Variants in CENPE observed in about 807,000 individuals in gnomAD.
The protein encoded by CENPE is centromere-associated protein E.
Under a neutral mutation model 336.1 loss-of-function variants are expected in CENPE, and 145 were observed. The ratio of observed to expected loss-of-function variants is 0.43; its 90% confidence interval spans 0.38 to 0.50. The LOEUF is 0.50. Among genes scored for constraint, CENPE ranks in the 20% least tolerant of loss-of-function variants. The probability of loss-of-function intolerance (pLI) is 0.00; values close to 1 mark genes in which losing one functional copy is unlikely to be tolerated. For synonymous variants in CENPE, 1,013 were observed against 984.8 expected, an observed-to-expected ratio of 1.03 and a Z score of -0.54; for missense variants, 2,719 against 3,023.3, an observed-to-expected ratio of 0.90 and a Z score of 2.36.
intron 43 of CENPE, among the ~76,000 whole-genome samples, chr4:103,121,891 T>A (rs1352473061): frequency 6.6e-6 from 1 of 152,146 alleles, no homozygotes; most frequent in Non-Finnish European, 1.5e-5. Flanking sequence ...AATTGAATGT[T>A]ACTGTTATCA....
At position 103,147,585 on chromosome 4, in the gene CENPE, T is replaced by C. The variant is rs766515893; in HGVS notation, c.3905A>G (p.Gln1302Arg). The C allele has an allele frequency of 6.2e-7, 1 of 1,613,820 alleles. No homozygotes were observed. Residue 1302 changes from glutamine to arginine, a missense_variant, in exon 29 of 49, where the codon CAG (glutamine) becomes CGG (arginine). Gln to Arg is a conservative substitution (Grantham distance 43). This residue lies in a region of CENPE where 2,437 missense variants were observed against 2,513.3 expected (regional missense o/e 0.97). Transcript: ENST00000265148. ...TAACTCCAGTTCATTCATTGTTTCC[T>C]GAGTCTCACTGACTTCTTTCACATT... ...LPNVKEVSET[Q>R]ETMNELELLT... is the part of the protein sequence containing the mutation.
At position 103,176,761 on chromosome 4, in the gene CENPE, CAT is replaced by C. The variant is rs1184834354; in HGVS notation, c.1390+136_1390+137del. On this transcript the variant is annotated intron_variant, in intron 14 of 48. Coordinates refer to ENST00000265148, the MANE Select transcript of CENPE (RefSeq NM_001813.3). Reference sequence around the variant, plus strand: ...ATTTTTAGAATTACTTATTTTAAATCATAGTCTCCATTGTAATCACATATGAA... The same window carrying C: ...ATTTTTAGAATTACTTATTTTAAATCAGTCTCCATTGTAATCACATATGAA... The C allele has an allele frequency of 1.1e-5, 7 of 616,162 alleles. No homozygotes were observed. The African/African-American group carries it at 1.2e-4, about 10-fold the overall frequency. 38.2% of individuals were successfully genotyped at this position (616,162 alleles called of 1,614,324 possible).
chr4:103,136,004 A>G (rs1752037198), intron 40 of CENPE, 137 bp downstream of exon 40: 1 of 706,074 alleles, frequency 1.4e-6, no homozygotes, highest in East Asian at 2.7e-5. Flanking sequence ...ACATATTACT[A>G]TGCTCAGACC....
chr4:103,177,855 A>T (rs1756008191), intron 13 of CENPE, among the ~76,000 whole-genome samples: 1 of 151,886 alleles, frequency 6.6e-6, no homozygotes, highest in African/African-American at 2.4e-5. Context: ...CGACTCCAAT[A>T]ACCTTCAGTT....
intron 8 of CENPE, among the ~76,000 whole-genome samples, chr4:103,190,163 A>G (rs948577789): frequency 1.3e-5 from 2 of 152,188 alleles, no homozygotes; most frequent in African/African-American, 4.8e-5. Context: ...AAATGGAAGA[A>G]CATTCCATGC....
Position 103,160,766 on chromosome 4 carries a change from A to C in CENPE, c.2145T>G (p.Asn715Lys). Residue 715 changes from asparagine to lysine, a missense_variant, in exon 21 of 49, where the codon AAT (asparagine) becomes AAG (lysine). Asn to Lys is a moderately conservative substitution (Grantham distance 94). Coordinates refer to ENST00000265148, the MANE Select transcript of CENPE (RefSeq NM_001813.3). ...DGKVPKDLLC[N>K]LELEGKITDL... ...CAGTAATCTTTCCTTCCAATTCCAA[A>C]TTACAGAGCAAATCTAGAAAGTTTT... The C allele has an allele frequency of 1.9e-6, 3 of 1,593,684 alleles. No individual in the cohort carries two copies. Among genetic ancestry groups the C allele is most frequent in the Non-Finnish European group, 2.6e-6 (3 of 1,171,262 alleles).
At position 103,153,156 on chromosome 4, in the gene CENPE, C is replaced by T. The variant is rs761793052; in HGVS notation, c.3128G>A (p.Arg1043Lys). Residue 1043 changes from arginine (R) to lysine (K), a missense_variant, in exon 25 of 49, where the codon AGG becomes AAG. Coordinates refer to ENST00000265148, the MANE Select transcript of CENPE (RefSeq NM_001813.3). ...VKDNEIIEQQRKIFSLIQEKN... is the reference protein window; with the variant it reads ...VKDNEIIEQQKKIFSLIQEKN... ...CTCCTGTATTAAAGAAAATATCTTC[C>T]TTTGTTGCTCAATTATCTCATTATC... 1 of 1,612,534 alleles carries T rather than the reference C, an allele frequency of 6.2e-7. No homozygotes were observed. Among genetic ancestry groups the T allele is most frequent in the South Asian group, 1.1e-5 (1 of 91,010 alleles).
chr4:103,141,783 A>G lies in CENPE; in HGVS notation c.5430T>C (p.Asp1810=). 6.5e-7 allele frequency: 1 copy of G among 1,549,710 alleles called. No homozygotes were observed. Among genetic ancestry groups the G allele is most frequent in the African/African-American group, 1.4e-5 (1 of 72,886 alleles). Residue 1810 remains aspartate, a synonymous_variant, in exon 35 of 49, where the codon GAT becomes GAC. Transcript: ENST00000265148. ...KTDKLSNMQK[D]LENSNAKLQE... is the part of the protein sequence containing the mutation. ...GTAATTTAGCATTTGAATTTTCTAAATCTTTTTGCATATTTGATAGTTTAT... is the reference window on the plus strand; with the variant it reads ...GTAATTTAGCATTTGAATTTTCTAAGTCTTTTTGCATATTTGATAGTTTAT...
At chr4:103,194,550 T>C (rs1048624255) in intron 6 of CENPE, 53 bp downstream of exon 6, 57 of 1,508,990 alleles carry the variant, frequency 3.8e-5, no homozygotes, top group Non-Finnish European at 5.0e-5. Flanking sequence ...ACGTGCTTGA[T>C]TGAAAAGATA....
intron 48 of CENPE, among the ~76,000 whole-genome samples, chr4:103,106,645 T>C (rs1389029089): frequency 6.6e-6 from 1 of 152,182 alleles, no homozygotes; most frequent in Non-Finnish European, 1.5e-5. Context: ...TCAAAATAAA[T>C]GGTGTGCTAA....
At position 103,146,013 on chromosome 4, in the gene CENPE, T is replaced by G. The variant is rs1200610260; in HGVS notation, c.4229A>C (p.Lys1410Thr). ...TKIVSEMEQF[K>T]PKDSALLRIE... ...CCTTAGTAGTGCTGAATCTTTGGGT[T>G]TGAATTGCTCCATCTCACTCACGAT... Residue 1410 changes from lysine to threonine, a missense_variant, in exon 30 of 49, where the codon AAA (lysine) becomes ACA (threonine). Physicochemically the swap from Lys to Thr is moderately conservative, Grantham distance 78. Transcript: ENST00000265148. 1 of 1,614,010 alleles carries G rather than the reference T, an allele frequency of 6.2e-7. No homozygotes were observed. The highest frequency in any genetic ancestry group is 8.5e-7 in the Non-Finnish European group (1 of 1,179,938).
intron 43 of CENPE, 60 bp from the exon 44 acceptor site, chr4:103,120,393 A>G: frequency 7.2e-7 from 1 of 1,384,660 alleles, no homozygotes; most frequent in Non-Finnish European, 9.9e-7. Context: ...CAGTATAGAA[A>G]TTTGAGACAG....
At chr4:103,118,681 G>A (rs537973016) in intron 44 of CENPE, among the ~76,000 whole-genome samples, 31 of 152,204 alleles carry the variant, frequency 2.0e-4, no homozygotes, top group African/African-American at 7.2e-4. Context: ...GTATGCCTAT[G>A]ATCTATTTTG....
At position 103,110,830 on chromosome 4, in the gene CENPE, T is replaced by C; in HGVS notation, c.7722A>G (p.Leu2574=). The change falls in exon 47 of 49, where the codon TTA becomes TTG. Residue 2574 remains leucine, a splice_region_variant and synonymous_variant. Coordinates refer to ENST00000265148, the MANE Select transcript of CENPE (RefSeq NM_001813.3). ...EQLIKQKNEL[L]SNNQHLSNEV... ...CGTATCATGTAAGCAGATCTTACCTTAACAATTCATTCTTTTGTTTTATTA... is the reference window on the plus strand; with the variant it reads ...CGTATCATGTAAGCAGATCTTACCTCAACAATTCATTCTTTTGTTTTATTA... The C allele has an allele frequency of 6.3e-7, 1 of 1,594,314 alleles. No homozygotes were observed. Among genetic ancestry groups the C allele is most frequent in the South Asian group, 1.1e-5 (1 of 87,658 alleles).
intron 28 of CENPE, 51 bp from the exon 29 acceptor site, chr4:103,147,697 A>G (rs759881875): frequency 4.6e-6 from 7 of 1,522,588 alleles, no homozygotes; most frequent in Non-Finnish European, 6.2e-6. Flanking sequence ...TTATGATCAT[A>G]ATTTTTTTTT....
intron 47 of CENPE, among the ~76,000 whole-genome samples, chr4:103,109,432 C>T (rs2720448): frequency 0.35 from 53,613 of 151,924 alleles, 9,654 homozygotes; most frequent in Middle Eastern, 0.48. Flanking sequence ...AATAATTTGA[C>T]AAATTAGTCT....
chr4:103,158,897 G>A lies in CENPE; in HGVS notation c.2602-11C>T. The A allele has an allele frequency of 6.3e-7, 1 of 1,589,204 alleles. No homozygotes were observed. Among genetic ancestry groups the A allele is most frequent in the Admixed American group, 1.9e-5 (1 of 52,920 alleles). On this transcript the variant is annotated splice_polypyrimidine_tract_variant and intron_variant, in intron 22 of 48. Transcript: ENST00000265148. ...GGTCTTGTAAGAAAGCTTTAAAAAA[G>A]AAAAAGTAAATGTCACACAGTAAAA...
At chr4:103,195,008 G>T in intron 5 of CENPE, 106 bp downstream of exon 5, 1 of 1,017,236 alleles carries the variant, frequency 9.8e-7, no homozygotes, top group Non-Finnish European at 1.4e-6. Flanking sequence ...ACATACTATA[G>T]AAATAGGAGA....
chr4:103,191,080 ATC>A (rs1757274659), intron 8 of CENPE, among the ~76,000 whole-genome samples: 1 of 152,230 alleles, frequency 6.6e-6, no homozygotes, highest in African/African-American at 2.4e-5. Context: ...AGAAATGCAA[ATC>A]AAAACCACAA....
Sources: gnomAD v4.1 joint callset for allele counts (sites outside exome capture counted in the v4.1 genomes callset) on GRCh38, gnomAD v4.1.1 for gene constraint, gnomAD v4.1.1 regional missense constraint, MANE v1.5 for transcripts, NCBI Gene and HGNC (gene_info 2026-07-23, HGNC 2026-07-21) for gene names.